Variants in FOXP2 observed in about 807,000 individuals in gnomAD.
The protein encoded by FOXP2 is forkhead box protein P2.
In FOXP2, 12 loss-of-function variants were observed where a neutral mutation model predicts 115.8. The ratio of observed to expected loss-of-function variants is 0.10; its 90% CI spans 0.07 to 0.17. The LOEUF (loss-of-function observed/expected upper bound fraction) is 0.17, where lower values mean the gene tolerates loss of function less well. Among genes scored for constraint, FOXP2 ranks in the 10% least tolerant of loss-of-function variants. The pLI is 1.00. For missense variants in FOXP2, 629 were observed against 843.5 expected (o/e 0.75, Z 3.15); for synonymous variants, 328 against 297.7 (o/e 1.10, Z -1.05).
rs946139457 is a variant in FOXP2, at chr7:114,313,767, A to T, written c.-11+25658A>T. On this transcript the variant is annotated intron_variant, in intron 2 of 17. Coordinates refer to the FOXP2 transcript ENST00000634411. Reference sequence around the variant, plus strand: ...CTCAAAAAAAAAAAAAAAAAACAAAAATATTGTCATTATTTGAAATTGTAT... The same window carrying T: ...CTCAAAAAAAAAAAAAAAAAACAAATATATTGTCATTATTTGAAATTGTAT... Among the ~76,000 whole-genome samples the T allele has an allele frequency of 3.0e-3, 451 of 151,240 alleles. 108 individuals are homozygous for T. The highest frequency in any genetic ancestry group is 0.011 in the African/African-American group (433 of 41,002).
intron 1 of FOXP2, among the ~76,000 whole-genome samples, chr7:114,264,767 G>A (rs1275539751): frequency 6.6e-6 from 1 of 152,156 alleles, no homozygotes; most frequent in Non-Finnish European, 1.5e-5. Flanking sequence ...TTCTGGGGAG[G>A]CCTCAGGGAG....
At chr7:114,254,911 G>A (rs1562839275) in intron 1 of FOXP2, among the ~76,000 whole-genome samples, 2 of 152,064 alleles carry the variant, frequency 1.3e-5, no homozygotes, top group Non-Finnish European at 2.9e-5. Context: ...GTTTTTCCCC[G>A]TCTTTGTGGT....
intron 1 of FOXP2, among the ~76,000 whole-genome samples, chr7:114,278,484 A>C (rs1286526133): frequency 2.0e-5 from 3 of 151,916 alleles, no homozygotes; most frequent in African/African-American, 7.3e-5. Flanking sequence ...TCTCCCGAGT[A>C]GCTGGGATTA....
intron 2 of FOXP2, among the ~76,000 whole-genome samples, chr7:114,390,114 G>A (rs142700934): frequency 6.0e-5 from 9 of 150,168 alleles, no homozygotes; most frequent in East Asian, 1.9e-4. Flanking sequence ...GTAAAACAAC[G>A]TAATTTCAAG....
chr7:114,359,298 G>A (rs1342848408), intron 2 of FOXP2, among the ~76,000 whole-genome samples: 3 of 152,350 alleles, frequency 2.0e-5, no homozygotes, highest in South Asian at 4.1e-4. Context: ...TTCAGTGGAT[G>A]TATGGGAATG....
intron 1 of FOXP2, among the ~76,000 whole-genome samples, chr7:114,245,255 T>G (rs957410680): frequency 2.6e-5 from 4 of 152,182 alleles, no homozygotes; most frequent in African/African-American, 7.2e-5. Flanking sequence ...AATTACACAG[T>G]GCCTTGAACA....
intron 1 of FOXP2, among the ~76,000 whole-genome samples, chr7:114,270,196 T>C (rs1010956193): frequency 2.0e-5 from 3 of 152,192 alleles, no homozygotes; most frequent in Non-Finnish European, 4.4e-5. Context: ...GTGTGTATAT[T>C]TTGCAGTTTA....
At chr7:114,275,407 T>C (rs1796163998) in intron 1 of FOXP2, among the ~76,000 whole-genome samples, 2 of 152,330 alleles carry the variant, frequency 1.3e-5, no homozygotes, top group East Asian at 3.9e-4. Context: ...TATCCTCAAG[T>C]GCAGAGATTC....
chr7:114,400,902 G>A (rs1161501198), intron 2 of FOXP2, among the ~76,000 whole-genome samples: 1 of 152,058 alleles, frequency 6.6e-6, no homozygotes, highest in Non-Finnish European at 1.5e-5. Context: ...GCTCAAGTCT[G>A]ATTACAGCAT....
chr7:114,341,978 C>T (rs954782099), intron 2 of FOXP2, among the ~76,000 whole-genome samples: 4 of 151,300 alleles, frequency 2.6e-5, no homozygotes, highest in Admixed American at 1.3e-4. Flanking sequence ...TGTCCGGGGA[C>T]CCAACCTTCT....
chr7:114,426,205 G>A (rs62467866), intron 1 of FOXP2, among the ~76,000 whole-genome samples: 1,603 of 151,680 alleles, frequency 0.011, 18 homozygotes, highest in Non-Finnish European at 0.016. Context: ...GGTTTTATAG[G>A]TAGATTTTAA....
intron 1 of FOXP2, among the ~76,000 whole-genome samples, chr7:114,420,127 A>G (rs1170501898): frequency 6.6e-6 from 1 of 151,924 alleles, no homozygotes; most frequent in Non-Finnish European, 1.5e-5. Context: ...GATTGAAGTA[A>G]AGTAAGCCTG....
chr7:114,649,929 C>T (rs913783815), intron 8 of FOXP2, among the ~76,000 whole-genome samples: 1 of 152,000 alleles, frequency 6.6e-6, no homozygotes, highest in African/African-American at 2.4e-5. Context: ...GAGTTTGTCA[C>T]CAATGATAAT....
intron 1 of FOXP2, among the ~76,000 whole-genome samples, chr7:114,264,036 C>T (rs916029069): frequency 2.0e-5 from 3 of 152,044 alleles, no homozygotes; most frequent in South Asian, 4.1e-4. Flanking sequence ...CACCTTTTTA[C>T]GCTGCCGCCC....
chr7:114,402,548 GT>G (rs1324333133), intron 2 of FOXP2, among the ~76,000 whole-genome samples: 1 of 152,032 alleles, frequency 6.6e-6, no homozygotes, highest in East Asian at 1.9e-4. Flanking sequence ...GATGTTGTCT[GT>G]GCTGGTGTAA....
chr7:114,199,108 C>A (rs977626913), intron 1 of FOXP2, among the ~76,000 whole-genome samples: 1 of 152,146 alleles, frequency 6.6e-6, no homozygotes, highest in African/African-American at 2.4e-5. Context: ...CCTCAAATTC[C>A]TGGGCTAAGG....
intron 3 of FOXP2, among the ~76,000 whole-genome samples, chr7:114,622,833 A>C (rs925823952): frequency 9.9e-5 from 15 of 151,984 alleles, no homozygotes; most frequent in Non-Finnish European, 1.8e-4. Context: ...ATGAATGTAG[A>C]CAAATAAAAG....
chr7:114,311,318 T>G (rs1327675955), intron 2 of FOXP2, among the ~76,000 whole-genome samples: 1 of 152,168 alleles, frequency 6.6e-6, no homozygotes, highest in Non-Finnish European at 1.5e-5. Flanking sequence ...AAGGTCAGTC[T>G]TCCATAACTG....
intron 3 of FOXP2, among the ~76,000 whole-genome samples, chr7:114,625,981 T>C (rs2129325687): frequency 6.6e-6 from 1 of 151,920 alleles, no homozygotes. Flanking sequence ...CATCTTTCTA[T>C]TTATTTTTAT....
Sources: gnomAD v4.1 joint callset for allele counts (sites outside exome capture counted in the v4.1 genomes callset) on GRCh38, gnomAD v4.1.1 for gene constraint, MANE v1.5 for transcripts, NCBI Gene and HGNC (gene_info 2026-07-23, HGNC 2026-07-21) for gene names.